Variants in SGCD observed in about 807,000 individuals in gnomAD.
SGCD encodes sarcoglycan delta.
In SGCD, 18 loss-of-function variants were observed where a neutral mutation model predicts 36.6. The observed-to-expected ratio is 0.49, with a 90% CI of 0.34 to 0.73. SGCD has a LOEUF of 0.73. SGCD is among the 30% of genes least tolerant of loss of function. The probability of loss-of-function intolerance (pLI) is 0.01; values close to 1 mark genes in which losing one functional copy is unlikely to be tolerated. For missense variants in SGCD, 387 were observed against 346.7 expected (o/e 1.12, Z -0.92); for synonymous variants, 133 against 130.6 (o/e 1.02, Z -0.12).
At chr5:156,503,898 G>C (rs562460225) in intron 3 of SGCD, among the ~76,000 whole-genome samples, 5 of 152,016 alleles carry the variant, frequency 3.3e-5, no homozygotes, top group Non-Finnish European at 5.9e-5. Flanking sequence ...GTTTCTAGAA[G>C]ATTTTAGAAA....
intron 3 of SGCD, among the ~76,000 whole-genome samples, chr5:156,196,222 A>G (rs1285052383): frequency 1.3e-5 from 2 of 152,092 alleles, no homozygotes; most frequent in African/African-American, 2.4e-5. Context: ...CCACTTCTCT[A>G]TATTAAATTC....
At chr5:156,047,482 A>G (rs1046893362) in intron 1 of SGCD, among the ~76,000 whole-genome samples, 1 of 152,140 alleles carries the variant, frequency 6.6e-6, no homozygotes, top group Admixed American at 6.6e-5. Context: ...AGTTGAAGCC[A>G]ATACTTATTA....
intron 3 of SGCD, among the ~76,000 whole-genome samples, chr5:156,402,994 G>C (rs184257130): frequency 1.0e-3 from 153 of 152,234 alleles, no homozygotes; most frequent in African/African-American, 3.4e-3. Context: ...TGATAGCCGC[G>C]GTCTTTTGGC....
In SGCD at chr5:156,647,762, A is replaced by G. The variant is rs1315054466; in HGVS notation, c.575+226A>G. 3.9e-5 allele frequency among the ~76,000 whole-genome samples: 6 copies of G among 152,166 alleles called. No individual in the cohort carries two copies. The South Asian group carries it at 8.3e-4, about 21-fold the overall frequency. On this transcript the variant is annotated intron_variant, in intron 7 of 8. Transcript: ENST00000337851. ...AAAGGTTGCCCACTTTGTGAAATCT[A>G]GATTCATTCATTTGGAATGTTTGTT...
At position 155,940,452 on chromosome 5, in the gene SGCD, A is replaced by T. The variant is rs113638994; in HGVS notation, c.-282+70028A>T. Reference sequence around the variant, plus strand: ...GTTATTTGACCAACCTGAGCCTCAGAATTCTCTTTGGTAAAGAAGATATAA... The same window carrying T: ...GTTATTTGACCAACCTGAGCCTCAGTATTCTCTTTGGTAAAGAAGATATAA... On this transcript the variant is annotated intron_variant, in intron 1 of 9. Coordinates refer to the SGCD transcript ENST00000517913. Among the ~76,000 whole-genome samples, 569 of 152,330 alleles carry T rather than the reference A, an allele frequency of 3.7e-3. 4 individuals are homozygous for T. Among genetic ancestry groups the T allele is most frequent in the African/African-American group, 0.013 (550 of 41,580 alleles).
At chr5:155,970,198 T>A (rs573997668) in intron 1 of SGCD, among the ~76,000 whole-genome samples, 1 of 152,004 alleles carries the variant, frequency 6.6e-6, no homozygotes, top group Non-Finnish European at 1.5e-5. Flanking sequence ...TTCCTATTCT[T>A]CTCTTCCAGC....
At chr5:156,634,956 G>C (rs1762768622) in intron 6 of SGCD, among the ~76,000 whole-genome samples, 1 of 152,152 alleles carries the variant, frequency 6.6e-6, no homozygotes. Flanking sequence ...GGATGCAGTG[G>C]CTCATGCTTG....
intron 3 of SGCD, among the ~76,000 whole-genome samples, chr5:156,255,790 T>C (rs1765700600): frequency 6.6e-6 from 1 of 152,158 alleles, no homozygotes; most frequent in Non-Finnish European, 1.5e-5. Flanking sequence ...TGTTGGTTTT[T>C]CAGACAACCA....
intron 3 of SGCD, among the ~76,000 whole-genome samples, chr5:156,187,989 GGTGAGGCA>G (rs571037444): frequency 1.1e-3 from 161 of 152,144 alleles, no homozygotes; most frequent in Non-Finnish European, 2.1e-3. Context: ...CTAAGATTAG[GGTGAGGCA>G]GTGAGGTGCC....
intron 6 of SGCD, among the ~76,000 whole-genome samples, chr5:156,627,143 G>A (rs1032994691): frequency 6.6e-6 from 1 of 152,140 alleles, no homozygotes. Context: ...AAAGTTCTTT[G>A]CTCTAATGAA....
chr5:156,442,393 T>G lies in SGCD; in HGVS notation c.193-66208T>G, dbSNP rs747635317. Among the ~76,000 whole-genome samples, 16 of 152,176 alleles carry G rather than the reference T, an allele frequency of 1.1e-4. 2 individuals are homozygous for G. Among genetic ancestry groups the G allele is most frequent in the South Asian group, 2.1e-4 (1 of 4,836 alleles). On this transcript the variant is annotated intron_variant, in intron 3 of 8. Transcript: ENST00000337851. Reference sequence around the variant, plus strand: ...TACCATTTCCCATCTCTGGACCTTTTGTAAGTCCCCACGTCTCTGGAAGTC... The same window carrying G: ...TACCATTTCCCATCTCTGGACCTTTGGTAAGTCCCCACGTCTCTGGAAGTC...
intron 4 of SGCD, among the ~76,000 whole-genome samples, chr5:156,518,258 T>C (rs1010069471): frequency 5.3e-5 from 8 of 152,288 alleles, no homozygotes; most frequent in African/African-American, 1.9e-4. Context: ...TACATAATGG[T>C]AAATGGTTCA....
chr5:155,824,318 C>T, the SGCD span, among the ~76,000 whole-genome samples: 1 of 152,114 alleles, frequency 6.6e-6, no homozygotes, highest in Non-Finnish European at 1.5e-5. Flanking sequence ...ATAACATCTA[C>T]CTCCTAGGGC....
At chr5:156,106,439 G>T (rs781198198) in intron 1 of SGCD, among the ~76,000 whole-genome samples, 23 of 152,162 alleles carry the variant, frequency 1.5e-4, no homozygotes, top group Non-Finnish European at 3.1e-4. Context: ...ATGTGAAGCA[G>T]GTGTGTTTTG....
At chr5:156,483,704 A>C (rs763462208) in intron 3 of SGCD, among the ~76,000 whole-genome samples, 2 of 152,228 alleles carry the variant, frequency 1.3e-5, no homozygotes, top group East Asian at 1.9e-4. Flanking sequence ...TATGGTGAGT[A>C]AAATGTGTTT....
intron 4 of SGCD, among the ~76,000 whole-genome samples, chr5:156,568,335 C>T (rs770145649): frequency 6.6e-6 from 1 of 152,158 alleles, no homozygotes; most frequent in Non-Finnish European, 1.5e-5. Flanking sequence ...GAGCCAATAT[C>T]GTGCCACTGC....
Position 156,185,378 on chromosome 5 carries a change from C to CT in SGCD, c.-44+61359_-44+61360insT, listed in dbSNP as rs1268243850. On this transcript the variant is annotated intron_variant, in intron 3 of 9. Coordinates refer to the SGCD transcript ENST00000517913. ...TACAGGCGCCCGCCACCATGCCCGG[C>CT]AAATTTTTTGTATTTTTAGCAGAGA... Among the ~76,000 whole-genome samples the CT allele has an allele frequency of 8.6e-5, 13 of 151,956 alleles. 1 individual carries two copies. Among genetic ancestry groups the CT allele is most frequent in the Non-Finnish European group, 1.6e-4 (11 of 67,946 alleles).
At chr5:156,732,109 T>G (rs1756108801) in intron 7 of SGCD, among the ~76,000 whole-genome samples, 1 of 152,178 alleles carries the variant, frequency 6.6e-6, no homozygotes, top group Admixed American at 6.5e-5. Flanking sequence ...TTTGACTTCC[T>G]GTCTTCCTAT....
intron 7 of SGCD, among the ~76,000 whole-genome samples, chr5:156,684,181 G>T (rs1250199734): frequency 3.3e-5 from 5 of 152,102 alleles, no homozygotes; most frequent in Non-Finnish European, 7.4e-5. Flanking sequence ...ACTAGTTAGT[G>T]CTCTGTGGTC....
Sources: allele counts gnomAD v4.1 joint callset (sites outside exome capture counted in the v4.1 genomes callset), GRCh38; gene constraint gnomAD v4.1.1; transcripts MANE v1.5; gene names NCBI Gene and HGNC (gene_info 2026-07-23, HGNC 2026-07-21).